The following MPDZ variants were observed in gnomAD, a reference collection of about 807,000 sequenced individuals.
MPDZ encodes multiple PDZ domain crumbs cell polarity complex component.
A neutral mutation model predicts 239.1 loss-of-function variants in MPDZ; 234 were observed. The observed-to-expected ratio is 0.98, with a 90% CI of 0.88 to 1.09. MPDZ has a LOEUF of 1.09. MPDZ is among the 50% of genes least tolerant of loss of function. MPDZ has a pLI of 0.00. For synonymous variants in MPDZ, 1,048 were observed against 881.3 expected (o/e 1.19, Z -3.35); for missense variants, 3,175 against 2,510.0 (o/e 1.26, Z -5.66).
intron 5 of MPDZ, 69 bp downstream of exon 5, chr9:13,223,502 T>C: frequency 6.7e-7 from 1 of 1,498,316 alleles, no homozygotes; most frequent in African/African-American, 1.4e-5. Flanking sequence ...TTTTTCTAAA[T>C]TCCTGCATAG....
In MPDZ at chr9:13,125,381, G is replaced by C; in HGVS notation, c.4642C>G (p.Leu1548Val). 6.2e-7 allele frequency: 1 copy of C among 1,613,428 alleles called. No homozygotes were observed. The highest frequency in any genetic ancestry group is 8.5e-7 in the Non-Finnish European group (1 of 1,179,478). Residue 1548 changes from leucine (L) to valine (V), a missense_variant, in exon 35 of 47, where the codon CTT becomes GTT. Leu to Val is a conservative substitution (Grantham distance 32). Transcript: ENST00000319217. ...ACTGTCATCTTTGCTGTCTTCAGAA[G>C]GCTAATAAACTGGCAGGGTGTATGT... ...VGYPIEKFIS[L>V]LKTAKMTVKL...
chr9:13,156,652 G>T (rs970654669), intron 24 of MPDZ, among the ~76,000 whole-genome samples: 4 of 152,062 alleles, frequency 2.6e-5, no homozygotes, highest in African/African-American at 9.7e-5. Context: ...ATGAGATTTG[G>T]GTGGGGACAC....
In MPDZ at chr9:13,223,779, C is replaced by G. The variant is rs1959593369; in HGVS notation, c.394-69G>C. ...ATGCATGGTGGTTCACGCCTGTAAT[C>G]CCAGCACTTTGGGAGGCCAAGGTGG... On this transcript the variant is annotated intron_variant, in intron 4 of 46. Coordinates refer to ENST00000319217, the MANE Select transcript of MPDZ (RefSeq NM_001378778.1). 2.0e-6 allele frequency: 3 copies of G among 1,473,522 alleles called. No individual in the cohort carries two copies. In the South Asian group the frequency reaches 4.3e-5, roughly 21 times the overall value. 91.3% of individuals were successfully genotyped at this position (1,473,522 alleles called of 1,614,324 possible).
intron 21 of MPDZ, among the ~76,000 whole-genome samples, chr9:13,170,456 TA>T (rs776062901): frequency 2.0e-5 from 3 of 152,158 alleles, no homozygotes; most frequent in Non-Finnish European, 2.9e-5. Flanking sequence ...CTGCTTACCA[TA>T]AAACAATAAG....
rs1476384625 is a variant in MPDZ at position 13,109,095 on chromosome 9, A to T, written c.5943-36T>A. On this transcript the variant is annotated intron_variant, in intron 45 of 46. Coordinates refer to ENST00000319217, the MANE Select transcript of MPDZ (RefSeq NM_001378778.1). ...GGAAAGGAAAAAGAGGTTTTAAATT[A>T]AAAAAAAAAAACTATACATATATGT... 1.1e-5 allele frequency: 9 copies of T among 815,860 alleles called. No individual in the cohort carries two copies. In the Admixed American group the frequency reaches 1.9e-4, roughly 17 times the overall value. 50.5% of individuals were successfully genotyped at this position (815,860 alleles called of 1,614,324 possible).
At chr9:13,173,506 C>A (rs745729037) in intron 21 of MPDZ, among the ~76,000 whole-genome samples, 3 of 151,782 alleles carry the variant, frequency 2.0e-5, no homozygotes, top group Non-Finnish European at 4.4e-5. Context: ...AGTTCAAGAC[C>A]AACCTGGGCA....
chr9:13,106,744 CTTCTCT>C lies in MPDZ; in HGVS notation c.*215_*220del, dbSNP rs1358988244. On this transcript the variant is annotated 3_prime_UTR_variant, in exon 47 of 47. Coordinates refer to ENST00000319217, the MANE Select transcript of MPDZ (RefSeq NM_001378778.1). ...ACGAGATTCACCTACACAAATATTC[CTTCTCT>C]TTAAGTTCACAAAATGCAAGAAGAA... 2.0e-5 allele frequency: 10 copies of C among 490,876 alleles called. No homozygotes were observed. The highest frequency in any genetic ancestry group is 8.3e-5 in the South Asian group (2 of 24,132). The allele number at this position is 490,876 out of a possible 1,614,324, so 30.4% of individuals were successfully genotyped here.
Position 13,217,298 on chromosome 9 carries a change from A to C in MPDZ, c.1087-4T>G. The C allele has an allele frequency of 1.3e-6, 2 of 1,536,432 alleles. No individual in the cohort carries two copies. Among genetic ancestry groups the C allele is most frequent in the African/African-American group, 2.7e-5 (2 of 72,972 alleles). On this transcript the variant is annotated splice_region_variant and splice_polypyrimidine_tract_variant and intron_variant, in intron 8 of 46. Transcript: ENST00000319217. ...CTTTCTGAGTAGAAGCATCAACCTA[A>C]AATAAAATCAATAAATATACAGTGA...
chr9:13,212,746 G>A (rs1486417056), intron 10 of MPDZ, among the ~76,000 whole-genome samples: 3 of 144,116 alleles, frequency 2.1e-5, no homozygotes, highest in Non-Finnish European at 4.5e-5. Flanking sequence ...GCAGAGGCGA[G>A]AGGATCTGTC....
chr9:13,260,553 A>G (rs751044017), intron 1 of MPDZ, among the ~76,000 whole-genome samples: 1 of 152,190 alleles, frequency 6.6e-6, no homozygotes, highest in African/African-American at 2.4e-5. Flanking sequence ...CAAAATTCCT[A>G]TGTTGAAGCC....
At chr9:13,216,220 C>G (rs1227297018) in intron 10 of MPDZ, among the ~76,000 whole-genome samples, 1 of 151,236 alleles carries the variant, frequency 6.6e-6, no homozygotes, top group East Asian at 2.0e-4. Flanking sequence ...CTGTACAGTG[C>G]CTTGAATAGC....
intron 12 of MPDZ, among the ~76,000 whole-genome samples, chr9:13,201,588 T>C (rs1212407236): frequency 1.3e-5 from 2 of 152,024 alleles, no homozygotes; most frequent in African/African-American, 4.8e-5. Flanking sequence ...CCCATAATTC[T>C]CATAGGTCTC....
chr9:13,204,029 T>C (rs1365456675), intron 12 of MPDZ, among the ~76,000 whole-genome samples: 2 of 152,150 alleles, frequency 1.3e-5, no homozygotes, highest in Admixed American at 1.3e-4. Flanking sequence ...TTCTGGAATA[T>C]CTCTGCAAAC....
chr9:13,277,856 C>T (rs1488741887), intron 1 of MPDZ, among the ~76,000 whole-genome samples: 1 of 152,166 alleles, frequency 6.6e-6, no homozygotes, highest in African/African-American at 2.4e-5. Flanking sequence ...TGAGCCATTG[C>T]GCCTGGCCAA....
intron 32 of MPDZ, among the ~76,000 whole-genome samples, chr9:13,130,847 G>A (rs1437647621): frequency 2.6e-5 from 4 of 152,158 alleles, no homozygotes; most frequent in South Asian, 2.1e-4. Context: ...ATTCCTAGAA[G>A]GAACATACAG....
chr9:13,192,091 T>G, intron 15 of MPDZ, 40 bp downstream of exon 15: 12 of 1,458,166 alleles, frequency 8.2e-6, no homozygotes, highest in Non-Finnish European at 1.1e-5. Flanking sequence ...AGCCTTTCCA[T>G]TATATATGTA....
chr9:13,231,821 C>A (rs1484140608), intron 3 of MPDZ, among the ~76,000 whole-genome samples: 1 of 151,846 alleles, frequency 6.6e-6, no homozygotes, highest in Admixed American at 6.6e-5. Context: ...AGATCATAAA[C>A]ATAAATAGAA....
chr9:13,175,548 ATG>A (rs1307984415), intron 21 of MPDZ, among the ~76,000 whole-genome samples: 5 of 152,292 alleles, frequency 3.3e-5, no homozygotes, highest in Non-Finnish European at 5.9e-5. Context: ...AATTAAGAGA[ATG>A]AGGGATTTCT....
At chr9:13,215,173 A>G (rs930458683) in intron 10 of MPDZ, among the ~76,000 whole-genome samples, 2 of 151,832 alleles carry the variant, frequency 1.3e-5, no homozygotes, top group African/African-American at 2.4e-5. Flanking sequence ...TTGTGTTTCT[A>G]TAAGTCTATT....
Sources: allele counts gnomAD v4.1 joint callset (sites outside exome capture counted in the v4.1 genomes callset), GRCh38; gene constraint gnomAD v4.1.1; transcripts MANE v1.5; gene names NCBI Gene and HGNC (gene_info 2026-07-23, HGNC 2026-07-21).